CPEB2: variants seen among roughly 807,000 people sequenced by gnomAD.
The protein encoded by CPEB2 is cytoplasmic polyadenylation element-binding protein 2.
In CPEB2, 56 loss-of-function variants were observed where a neutral mutation model predicts 93.6. That is an observed-to-expected ratio of 0.60 (90% confidence interval 0.48 to 0.75). The LOEUF (loss-of-function observed/expected upper bound fraction) is 0.75. Among genes scored for constraint, CPEB2 ranks in the 30% least tolerant of loss-of-function variants. The probability of loss-of-function intolerance (pLI) is 0.00; values close to 1 mark genes in which losing one functional copy is unlikely to be tolerated. For synonymous variants in CPEB2, 764 were observed against 586.3 expected (o/e 1.30, Z -4.38); for missense variants, 1,579 against 1,395.1 (o/e 1.13, Z -2.10).
chr4:15,068,301 G>A lies in CPEB2; in HGVS notation c.*1921G>A, dbSNP rs1729853048. On this transcript the variant is annotated 3_prime_UTR_variant, in exon 12 of 12. Transcript: ENST00000538197. Reference sequence around the variant, plus strand: ...TGTGGTTGTGGTTCAAGTTTTTAATGTTTAAAGTTGATGCTGTTTTCAGAA... The same window carrying A: ...TGTGGTTGTGGTTCAAGTTTTTAATATTTAAAGTTGATGCTGTTTTCAGAA... 1 of 152,304 alleles carries A rather than the reference G, an allele frequency of 6.6e-6. No homozygotes were observed. The highest frequency in any genetic ancestry group is 6.6e-5 in the Admixed American group (1 of 15,210). The allele number at this position is 152,304 out of a possible 1,614,324, so 9.4% of individuals were successfully genotyped here.
At chr4:15,038,427 C>G (rs1726843668) in intron 5 of CPEB2, among the ~76,000 whole-genome samples, 1 of 152,074 alleles carries the variant, frequency 6.6e-6, no homozygotes, top group Non-Finnish European at 1.5e-5. Context: ...ATTCTCTACA[C>G]CTATGAATGA....
At chr4:15,056,169 AC>A (rs763630577) in intron 8 of CPEB2, among the ~76,000 whole-genome samples, 2 of 152,332 alleles carry the variant, frequency 1.3e-5, no homozygotes, top group East Asian at 3.9e-4. Context: ...AAATGAGATA[AC>A]AAAAAATACT....
intron 6 of CPEB2, among the ~76,000 whole-genome samples, chr4:15,041,152 C>A (rs1157404312): frequency 1.3e-5 from 2 of 152,088 alleles, no homozygotes; most frequent in African/African-American, 2.4e-5. Flanking sequence ...TATTATTGAA[C>A]TTCCTAGGAA....
chr4:15,033,062 TTC>T (rs1726279451), intron 4 of CPEB2, 97 bp from the exon 5 acceptor site: 1 of 767,588 alleles, frequency 1.3e-6, no homozygotes. Flanking sequence ...CTCAATAATT[TTC>T]TCTTTATGCT....
In CPEB2 at chr4:15,062,215, T is replaced by C. The variant is rs1307636302; in HGVS notation, c.2832T>C (p.Ile944=). The C allele has an allele frequency of 3.1e-6, 5 of 1,612,502 alleles. No individual in the cohort carries two copies. The highest frequency in any genetic ancestry group is 4.2e-6 in the Non-Finnish European group (5 of 1,179,066). The change falls in exon 11 of 12, where the codon ATT becomes ATC. Residue 944 remains isoleucine (I), a synonymous_variant. Coordinates refer to ENST00000538197, the MANE Select transcript of CPEB2 (RefSeq NM_001177382.2). ...ATCAGCAGAGCTATATTGCTGCCAT[T>C]AGTGCTCGGTTTGTTCAGCTTCAGC... The part of the protein sequence containing the change: ...FSNQQSYIAA[I]SARFVQLQHG...
At chr4:15,023,270 T>A (rs1310467176) in intron 4 of CPEB2, among the ~76,000 whole-genome samples, 1 of 152,040 alleles carries the variant, frequency 6.6e-6, no homozygotes, top group African/African-American at 2.4e-5. Context: ...AGCAAGTAAT[T>A]GGAATAATTA....
Position 15,040,627 on chromosome 4 carries a change from T to C in CPEB2, c.2200+140T>C, listed in dbSNP as rs1022310790. 2.3e-5 allele frequency: 16 copies of C among 683,886 alleles called. No homozygotes were observed. The African/African-American group carries it at 2.9e-4, about 12-fold the overall frequency. The allele number at this position is 683,886 out of a possible 1,614,324, so 42.4% of individuals were successfully genotyped here. A position where few individuals can be genotyped will look rare whatever the true frequency, so the allele number is the denominator to read the frequency against. On this transcript the variant is annotated intron_variant, in intron 6 of 11. Coordinates refer to ENST00000538197, the MANE Select transcript of CPEB2 (RefSeq NM_001177382.2). ...TTTTGATTTGAGCACTTGTCGAAGT[T>C]TTTAATTTTAAATCTCCTAACCTTT... is the stretch of plus-strand genomic sequence containing the variant.
intron 7 of CPEB2, among the ~76,000 whole-genome samples, 181 bp from the exon 8 acceptor site, chr4:15,053,947 A>C (rs545028729): frequency 9.2e-5 from 14 of 152,292 alleles, no homozygotes; most frequent in Non-Finnish European, 1.6e-4. Context: ...TTTGACAAAA[A>C]TTGTTAATCT....
At position 15,033,287 on chromosome 4, in the gene CPEB2, G is replaced by T. The variant is rs369201801; in HGVS notation, c.2176+76G>T. The T allele has an allele frequency of 8.9e-5, 78 of 877,916 alleles. 1 individual carries two copies. In the South Asian group the frequency reaches 1.1e-3, roughly 12 times the overall value. The allele number at this position is 877,916 out of a possible 1,614,324, so 54.4% of individuals were successfully genotyped here. A position where few individuals can be genotyped will look rare whatever the true frequency, so the allele number is the denominator to read the frequency against. ...ATTTAATACATGTTTCTCTGAACCT[G>T]TCCATACACACAATTTAATCATTCT... On this transcript the variant is annotated intron_variant, in intron 5 of 11. Coordinates refer to ENST00000538197, the MANE Select transcript of CPEB2 (RefSeq NM_001177382.2).
intron 6 of CPEB2, among the ~76,000 whole-genome samples, chr4:15,043,076 T>A (rs1472037731): frequency 6.6e-6 from 1 of 152,228 alleles, no homozygotes; most frequent in Non-Finnish European, 1.5e-5. Context: ...ATTCTGACTT[T>A]GACTTTTGTA....
intron 4 of CPEB2, among the ~76,000 whole-genome samples, chr4:15,023,594 T>C (rs1355832164): frequency 6.6e-6 from 1 of 152,032 alleles, no homozygotes; most frequent in African/African-American, 2.4e-5. Context: ...TCCAACCTGG[T>C]TAACTTTTTT....
chr4:15,045,128 T>G (rs762116127), intron 6 of CPEB2, among the ~76,000 whole-genome samples: 7 of 152,196 alleles, frequency 4.6e-5, no homozygotes, highest in Non-Finnish European at 5.9e-5. Flanking sequence ...AGGAAGGCTT[T>G]TTCCCTCTAC....
chr4:15,055,531 C>G (rs1233101015), intron 8 of CPEB2, among the ~76,000 whole-genome samples: 1 of 152,166 alleles, frequency 6.6e-6, no homozygotes, highest in South Asian at 2.1e-4. Flanking sequence ...GACTAAGCTA[C>G]CATCATCACT....
At chr4:15,028,367 A>G (rs762477824) in intron 4 of CPEB2, among the ~76,000 whole-genome samples, 1 of 151,648 alleles carries the variant, frequency 6.6e-6, no homozygotes, top group Non-Finnish European at 1.5e-5. Context: ...TATCCTCCCT[A>G]TGCCACACAT....
At chr4:15,044,781 A>G (rs1727499495) in intron 6 of CPEB2, among the ~76,000 whole-genome samples, 1 of 152,176 alleles carries the variant, frequency 6.6e-6, no homozygotes, top group Admixed American at 6.5e-5. Context: ...TGTCAGAGTT[A>G]GTAACCACCT....
At chr4:15,058,273 G>A (rs1017319139) in intron 8 of CPEB2, 148 bp from the exon 9 acceptor site, 6 of 587,470 alleles carry the variant, frequency 1.0e-5, no homozygotes, top group African/African-American at 1.9e-5. Flanking sequence ...ATAAGATATT[G>A]TGTTCTCTTG....
At chr4:15,052,682 C>T (rs1204381036) in intron 7 of CPEB2, 98 bp downstream of exon 7, 2 of 662,546 alleles carry the variant, frequency 3.0e-6, no homozygotes, top group Non-Finnish European at 4.5e-6. Flanking sequence ...GTTTTTACCA[C>T]CTAGAGATTT....
In CPEB2 at chr4:15,058,504, C is replaced by T. The variant is rs571509008; in HGVS notation, c.2545C>T (p.Leu849=). ...ACIEEDGKLY[L]CVSSPTIKDK... ...TATTGAAGAAGATGGAAAACTCTAT[C>T]TGTGTGTTTCTAGCCCTACTATCAA... The change falls in exon 9 of 12, where the codon CTG becomes TTG. Residue 849 remains leucine, a synonymous_variant. Coordinates refer to ENST00000538197, the MANE Select transcript of CPEB2 (RefSeq NM_001177382.2). 30 of 1,610,582 alleles carry T rather than the reference C, an allele frequency of 1.9e-5. No homozygotes were observed. Among genetic ancestry groups the T allele is most frequent in the Middle Eastern group, 1.7e-4 (1 of 6,052 alleles).
chr4:15,008,276 C>T (rs919005099), intron 2 of CPEB2, 62 bp from the exon 3 acceptor site: 5 of 1,099,286 alleles, frequency 4.5e-6, no homozygotes, highest in African/African-American at 3.1e-5. Flanking sequence ...TTCTTTCTTT[C>T]GTTGGGTGGG....
Sources: gnomAD v4.1 joint callset for allele counts (sites outside exome capture counted in the v4.1 genomes callset) on GRCh38, gnomAD v4.1.1 for gene constraint, MANE v1.5 for transcripts, NCBI Gene and HGNC (gene_info 2026-07-23, HGNC 2026-07-21) for gene names.